The following SPTLC3 variants were observed in gnomAD, a reference collection of about 807,000 sequenced individuals.
The protein encoded by SPTLC3 is serine palmitoyltransferase 3.
In SPTLC3, 36 loss-of-function variants were observed where a neutral mutation model predicts 59.3. That is an observed-to-expected ratio of 0.61 (90% CI 0.47 to 0.80). The LOEUF is 0.80. SPTLC3 is among the 30% of genes least tolerant of loss of function. SPTLC3 has a pLI of 0.00. For missense variants in SPTLC3, 625 were observed against 685.1 expected, an observed-to-expected ratio of 0.91 and a Z score of 0.98; for synonymous variants, 257 against 240.8, an observed-to-expected ratio of 1.07 and a Z score of -0.62.
At chr20:13,018,876 G>A (rs1005654173) in intron 1 of SPTLC3, among the ~76,000 whole-genome samples, 11 of 152,082 alleles carry the variant, frequency 7.2e-5, no homozygotes, top group Non-Finnish European at 1.3e-4. Context: ...ATAAATTTAC[G>A]ACAGAAAGAT....
At position 13,046,331 on chromosome 20, in the gene SPTLC3, C is replaced by G. The variant is rs144992142; in HGVS notation, c.118-2614C>G. ...GGGAATTTATGCAGGCAATCACCAC[C>G]CCCAAATTAGCATGTTCTGTACAGA... On this transcript the variant is annotated intron_variant, in intron 1 of 11. Coordinates refer to ENST00000399002, the MANE Select transcript of SPTLC3 (RefSeq NM_018327.4). Among the ~76,000 whole-genome samples, 7 of 152,318 alleles carry G rather than the reference C, an allele frequency of 4.6e-5. No individual in the cohort carries two copies. In the East Asian group the frequency reaches 1.3e-3, roughly 29 times the overall value.
chr20:13,100,924 T>C (rs1989578526), intron 6 of SPTLC3, among the ~76,000 whole-genome samples: 1 of 152,092 alleles, frequency 6.6e-6, no homozygotes, highest in African/African-American at 2.4e-5. Flanking sequence ...GAGACACGGA[T>C]GTAATCACAA....
chr20:13,040,643 C>T (rs922094207), intron 1 of SPTLC3, among the ~76,000 whole-genome samples: 1 of 152,022 alleles, frequency 6.6e-6, no homozygotes, highest in African/African-American at 2.4e-5. Flanking sequence ...CAGGCATGAG[C>T]CACTTTAATA....
At chr20:13,154,773 T>G (rs2038728280) in intron 10 of SPTLC3, among the ~76,000 whole-genome samples, 1 of 152,236 alleles carries the variant, frequency 6.6e-6, no homozygotes. Flanking sequence ...TAGCAACAAC[T>G]GCATAAAGAG....
rs193087486 is a variant in SPTLC3, at chr20:13,105,009, A to T, written c.827-5103A>T. On this transcript the variant is annotated intron_variant, in intron 6 of 11. Transcript: ENST00000399002. ...GTGCCTTAATAAGCATCATTATTTT[A>T]AAAAAAATCCCTTGCAGATGTAAGC... Among the ~76,000 whole-genome samples the T allele has an allele frequency of 1.9e-3, 279 of 150,314 alleles. 1 individual carries two copies. Among genetic ancestry groups the T allele is most frequent in the African/African-American group, 5.7e-3 (227 of 39,848 alleles).
intron 2 of SPTLC3, among the ~76,000 whole-genome samples, chr20:13,053,619 A>G (rs1201652560): frequency 6.6e-6 from 1 of 152,102 alleles, no homozygotes; most frequent in Non-Finnish European, 1.5e-5. Context: ...TTCTAACCCA[A>G]TGCAAGGAAG....
intron 9 of SPTLC3, among the ~76,000 whole-genome samples, chr20:13,140,629 A>G (rs568428817): frequency 6.6e-6 from 1 of 151,058 alleles, no homozygotes; most frequent in African/African-American, 2.4e-5. Flanking sequence ...TTCATTCTAC[A>G]GCATATCTAC....
chr20:13,103,343 C>T (rs1283160412), intron 6 of SPTLC3, among the ~76,000 whole-genome samples: 2 of 152,156 alleles, frequency 1.3e-5, no homozygotes, highest in Admixed American at 6.5e-5. Flanking sequence ...TATTTAAATA[C>T]CCGCTACTTA....
At chr20:13,050,078 C>G (rs908156888) in intron 2 of SPTLC3, 2 of 152,032 alleles carry the variant, frequency 1.3e-5, no homozygotes, top group African/African-American at 4.8e-5. Context: ...GGATCCAAAC[C>G]AAGAAGAAAT....
At chr20:13,065,370 C>A (rs550233783) in intron 2 of SPTLC3, among the ~76,000 whole-genome samples, 10 of 147,302 alleles carry the variant, frequency 6.8e-5, no homozygotes, top group African/African-American at 2.5e-4. Context: ...ATGCTTTTTA[C>A]CTTATATTCT....
chr20:13,010,205 T>C (rs1411679730), intron 1 of SPTLC3, among the ~76,000 whole-genome samples: 1 of 152,070 alleles, frequency 6.6e-6, no homozygotes, highest in Non-Finnish European at 1.5e-5. Flanking sequence ...GTCACTCTGC[T>C]CTGAGCAGCA....
intron 4 of SPTLC3, among the ~76,000 whole-genome samples, chr20:13,085,784 T>G (rs1988986601): frequency 1.3e-5 from 2 of 152,238 alleles, no homozygotes; most frequent in African/African-American, 4.8e-5. Context: ...TACTTTATCT[T>G]GAATCTAATT....
At position 13,054,738 on chromosome 20, in the gene SPTLC3, A is replaced by C. The variant is rs188749058; in HGVS notation, c.303+5608A>C. Among the ~76,000 whole-genome samples, 210 of 152,298 alleles carry C rather than the reference A, an allele frequency of 1.4e-3. 1 individual carries two copies. The highest frequency in any genetic ancestry group is 4.9e-3 in the African/African-American group (204 of 41,550). On this transcript the variant is annotated intron_variant, in intron 2 of 11. Coordinates refer to ENST00000399002, the MANE Select transcript of SPTLC3 (RefSeq NM_018327.4). ...TTGAGTTTGAAGAACTGGCAGCTAA[A>C]CTTAAAGATCTGGACTTCTGGAAAA...
At chr20:13,144,753 ATGTG>A (rs60788760) in intron 9 of SPTLC3, among the ~76,000 whole-genome samples, 1 of 151,584 alleles carries the variant, frequency 6.6e-6, no homozygotes, top group Non-Finnish European at 1.5e-5. Flanking sequence ...GAGGTCTACT[ATGTG>A]TGTGTGTGTG....
chr20:13,091,271 G>A, intron 5 of SPTLC3, 64 bp downstream of exon 5: 1 of 1,573,764 alleles, frequency 6.4e-7, no homozygotes, highest in Non-Finnish European at 8.7e-7. Context: ...CTCTGAGTAG[G>A]TCCTTGTTAG....
intron 8 of SPTLC3, among the ~76,000 whole-genome samples, chr20:13,123,057 G>A (rs1600324231): frequency 1.3e-5 from 2 of 152,162 alleles, no homozygotes; most frequent in African/African-American, 2.4e-5. Flanking sequence ...TCGGCCAGGC[G>A]TGGTGGCTCA....
chr20:13,162,683 A>G (rs2038916945), intron 11 of SPTLC3, among the ~76,000 whole-genome samples: 1 of 152,170 alleles, frequency 6.6e-6, no homozygotes. Context: ...TTGCTCATTC[A>G]CCAATAACAA....
chr20:13,090,345 A>G (rs1989170474), intron 4 of SPTLC3, among the ~76,000 whole-genome samples: 1 of 152,218 alleles, frequency 6.6e-6, no homozygotes, highest in Non-Finnish European at 1.5e-5. Context: ...GAGAGAACCT[A>G]AACAGTGAGC....
rs776409586 is a variant in SPTLC3 at position 13,164,747 on chromosome 20, A to G, written c.1546-7A>G. ...ATGATAGCTATTGGAAAGCAATCTC[A>G]TTGCAGGTTTTAGAAGCTCTTGATG... is the stretch of plus-strand genomic sequence containing the variant. On this transcript the variant is annotated splice_region_variant and splice_polypyrimidine_tract_variant and intron_variant, in intron 11 of 11. Coordinates refer to ENST00000399002, the MANE Select transcript of SPTLC3 (RefSeq NM_018327.4). 6.2e-7 allele frequency: 1 copy of G among 1,610,900 alleles called. No homozygotes were observed. Among genetic ancestry groups the G allele is most frequent in the East Asian group, 2.2e-5 (1 of 44,698 alleles).
Sources: allele counts gnomAD v4.1 joint callset (sites outside exome capture counted in the v4.1 genomes callset), GRCh38; gene constraint gnomAD v4.1.1; transcripts MANE v1.5; gene names NCBI Gene and HGNC (gene_info 2026-07-23, HGNC 2026-07-21).